The following GRIK2 variants were observed in gnomAD, a reference collection of about 807,000 sequenced individuals.
GRIK2 encodes the protein glutamate ionotropic receptor kainate type subunit 2.
GRIK2 carries 32 observed loss-of-function variants against 100.3 expected under a neutral mutation model. That is an observed-to-expected ratio of 0.32 (90% CI 0.24 to 0.43). The LOEUF is 0.43. Among genes scored for constraint, GRIK2 ranks in the 20% least tolerant of loss-of-function variants. GRIK2 has a pLI of 1.00. For missense variants in GRIK2, 843 were observed against 1,114.9 expected (o/e 0.76, Z 3.47); for synonymous variants, 417 against 389.4 (o/e 1.07, Z -0.83).
At chr6:101,550,909 AC>A (rs1445970796) in intron 2 of GRIK2, among the ~76,000 whole-genome samples, 1 of 152,182 alleles carries the variant, frequency 6.6e-6, no homozygotes, top group African/African-American at 2.4e-5. Context: ...TGAAAGCATT[AC>A]TAAATAATTT....
intron 10 of GRIK2, among the ~76,000 whole-genome samples, chr6:101,855,892 A>G (rs766196825): frequency 2.6e-5 from 4 of 152,204 alleles, no homozygotes; most frequent in Non-Finnish European, 5.9e-5. Flanking sequence ...TAAAGGCTAC[A>G]TGAGCCATGA....
intron 16 of GRIK2, among the ~76,000 whole-genome samples, chr6:102,062,468 G>C (rs960324391): frequency 6.7e-6 from 1 of 148,918 alleles, no homozygotes; most frequent in African/African-American, 2.4e-5. Flanking sequence ...TATATAACTT[G>C]ACTTCTTAAG....
chr6:101,729,877 A>T (rs1324784966), intron 7 of GRIK2, among the ~76,000 whole-genome samples: 7 of 152,074 alleles, frequency 4.6e-5, no homozygotes, highest in Non-Finnish European at 8.8e-5. Flanking sequence ...CAATATTTTT[A>T]AAAATAGTCA....
At chr6:101,707,809 A>G (rs925821002) in intron 7 of GRIK2, among the ~76,000 whole-genome samples, 2 of 151,470 alleles carry the variant, frequency 1.3e-5, no homozygotes, top group African/African-American at 4.8e-5. Flanking sequence ...AGATTGCAAG[A>G]TCTCTCAGTA....
chr6:101,885,745 A>G (rs1786566226), intron 11 of GRIK2, among the ~76,000 whole-genome samples: 1 of 152,106 alleles, frequency 6.6e-6, no homozygotes, highest in Admixed American at 6.6e-5. Flanking sequence ...TTATTTAAAA[A>G]TATATAATTT....
At chr6:101,633,977 T>G (rs1458984001) in intron 4 of GRIK2, among the ~76,000 whole-genome samples, 1 of 152,142 alleles carries the variant, frequency 6.6e-6, no homozygotes, top group Non-Finnish European at 1.5e-5. Context: ...AGTTGTTGTT[T>G]TATTTTGTGG....
intron 13 of GRIK2, chr6:101,928,059 A>C (rs1790023168): frequency 4.8e-6 from 1 of 209,668 alleles, no homozygotes; most frequent in South Asian, 8.4e-5. Context: ...AACTAACAAA[A>C]TATGAAAAAA....
chr6:101,588,393 A>G (rs1295124158), intron 2 of GRIK2, among the ~76,000 whole-genome samples: 1 of 152,052 alleles, frequency 6.6e-6, no homozygotes, highest in East Asian at 1.9e-4. Flanking sequence ...GGCGGGGAGG[A>G]TCAGGGTACA....
intron 14 of GRIK2, among the ~76,000 whole-genome samples, chr6:101,942,199 G>A (rs931661413): frequency 3.9e-5 from 6 of 152,124 alleles, no homozygotes; most frequent in Admixed American, 2.6e-4. Flanking sequence ...ATGTCAAATT[G>A]TAATCCCCAT....
intron 12 of GRIK2, among the ~76,000 whole-genome samples, chr6:101,907,901 T>A (rs1788351457): frequency 6.6e-6 from 1 of 151,624 alleles, no homozygotes; most frequent in Non-Finnish European, 1.5e-5. Context: ...CACTAATCTT[T>A]GTGCATTCAC....
intron 14 of GRIK2, among the ~76,000 whole-genome samples, chr6:102,010,349 T>TTCC (rs1795462337): frequency 7.0e-6 from 1 of 142,310 alleles, no homozygotes; most frequent in African/African-American, 2.5e-5. Context: ...CCGCCCTCCT[T>TTCC]TCCTCCTCCT....
chr6:101,556,842 G>A (rs1211972206), intron 2 of GRIK2, among the ~76,000 whole-genome samples: 3 of 152,124 alleles, frequency 2.0e-5, no homozygotes, highest in Non-Finnish European at 4.4e-5. Flanking sequence ...CCATTCTGCT[G>A]TATTTCAGAG....
intron 14 of GRIK2, among the ~76,000 whole-genome samples, chr6:102,010,274 A>G (rs2114309338): frequency 6.6e-6 from 1 of 152,120 alleles, no homozygotes; most frequent in Non-Finnish European, 1.5e-5. Context: ...AATGATATTT[A>G]TCTACCATTA....
chr6:101,506,092 T>C (rs551625785), intron 2 of GRIK2, among the ~76,000 whole-genome samples: 81 of 152,272 alleles, frequency 5.3e-4, no homozygotes, highest in African/African-American at 1.8e-3. Flanking sequence ...CAATGAAATA[T>C]GTAGAATAAT....
intron 2 of GRIK2, among the ~76,000 whole-genome samples, chr6:101,557,762 A>G (rs1234807255): frequency 1.3e-5 from 2 of 152,198 alleles, no homozygotes; most frequent in Non-Finnish European, 2.9e-5. Context: ...TCATCTGAGA[A>G]GGAATTGTTC....
chr6:101,832,319 GCTAT>G (rs754096047), intron 10 of GRIK2, among the ~76,000 whole-genome samples: 22 of 151,680 alleles, frequency 1.5e-4, no homozygotes, highest in Non-Finnish European at 2.6e-4. Flanking sequence ...CAAATAATTG[GCTAT>G]CTAAGAAAAA....
chr6:101,914,680 A>T (rs1398245359), intron 12 of GRIK2, among the ~76,000 whole-genome samples: 1 of 151,508 alleles, frequency 6.6e-6, no homozygotes, highest in Non-Finnish European at 1.5e-5. Context: ...CATAGTGCTA[A>T]CTAGCTAATA....
intron 2 of GRIK2, among the ~76,000 whole-genome samples, chr6:101,460,599 C>T (rs1391192267): frequency 6.6e-6 from 1 of 152,162 alleles, no homozygotes. Flanking sequence ...CACATTAACA[C>T]TTTGGCTTAT....
intron 2 of GRIK2, among the ~76,000 whole-genome samples, chr6:101,478,936 T>C (rs2128260059): frequency 6.6e-6 from 1 of 152,294 alleles, no homozygotes; most frequent in East Asian, 1.9e-4. Context: ...CAGACATGTA[T>C]TGGCATTTTT....
Sources: allele counts gnomAD v4.1 joint callset (sites outside exome capture counted in the v4.1 genomes callset), GRCh38; gene constraint gnomAD v4.1.1; transcripts MANE v1.5; gene names NCBI Gene and HGNC (gene_info 2026-07-23, HGNC 2026-07-21).